The following NSD1 variants were observed in gnomAD, a reference collection of about 807,000 sequenced individuals.
NSD1 encodes nuclear receptor binding SET domain protein 1, also known as histone-lysine N-methyltransferase, H3 lysine-36 specific.
Under a neutral mutation model 242.7 loss-of-function variants are expected in NSD1, and 26 were observed. That is an observed-to-expected ratio of 0.11 (90% CI 0.08 to 0.15). The LOEUF is 0.15. NSD1 is among the 10% of genes least tolerant of loss of function. The pLI, the probability that NSD1 is intolerant of heterozygous loss-of-function variation, is 1.00. For missense variants in NSD1, 2,495 were observed against 3,272.8 expected (o/e 0.76, Z 5.80); for synonymous variants, 1,106 against 1,178.1 (o/e 0.94, Z 1.25).
intron 5 of NSD1, among the ~76,000 whole-genome samples, chr5:177,225,735 G>T (rs976008897): frequency 9.2e-5 from 14 of 151,912 alleles, no homozygotes; most frequent in Non-Finnish European, 1.8e-4. Context: ...CACAATTTTC[G>T]TTCATTATAT....
chr5:177,265,484 G>T, intron 14 of NSD1: 1 of 637,640 alleles, frequency 1.6e-6, no homozygotes, highest in South Asian at 1.9e-5. Flanking sequence ...TCTGGGGGAG[G>T]GAGGGAGAGA....
chr5:177,133,784 G>C lies in NSD1; in HGVS notation c.-186G>C, dbSNP rs1380409782. ...GGTGTGAGGAGGAGGAGGCGGCGGC[G>C]GAATAGGCCGGGGCAGGTCGCGCTC... On this transcript the variant is annotated 5_prime_UTR_variant, in exon 1 of 23. Transcript: ENST00000439151. The surrounding 1 kb of genome is among the most constrained non-coding windows in gnomAD (Gnocchi z 6.2). 1 of 149,532 alleles carries C rather than the reference G, an allele frequency of 6.7e-6. No homozygotes were observed. The highest frequency in any genetic ancestry group is 1.5e-5 in the Non-Finnish European group (1 of 67,148). 9.3% of individuals were successfully genotyped at this position (149,532 alleles called of 1,614,324 possible). A position where few individuals can be genotyped will look rare whatever the true frequency, so the allele number is the denominator to read the frequency against.
chr5:177,285,928 C>T (rs1049007861), intron 20 of NSD1, among the ~76,000 whole-genome samples: 2 of 152,150 alleles, frequency 1.3e-5, no homozygotes, highest in Non-Finnish European at 2.9e-5. Context: ...CGGAGTCTCG[C>T]TCTGTTGCCC....
intron 14 of NSD1, chr5:177,265,059 A>T (rs1046690353): frequency 1.3e-6 from 1 of 757,766 alleles, no homozygotes; most frequent in Non-Finnish European, 2.4e-6. Flanking sequence ...AAGCACTCCT[A>T]AGAGCCAAGA....
At chr5:177,223,429 C>T (rs966305334) in intron 5 of NSD1, among the ~76,000 whole-genome samples, 3 of 151,252 alleles carry the variant, frequency 2.0e-5, no homozygotes, top group Non-Finnish European at 4.4e-5. Context: ...AAAAATTAGC[C>T]GGATGTGGTA....
chr5:177,242,514 A>ATTATTTATTTAT (rs10605953), intron 8 of NSD1, among the ~76,000 whole-genome samples: 70,202 of 145,342 alleles, frequency 0.48, 19,205 homozygotes, highest in Middle Eastern at 0.65. Flanking sequence ...AATGGCCTTT[A>ATTATTTATTTAT]TTATTTATTT....
intron 19 of NSD1, among the ~76,000 whole-genome samples, chr5:177,283,002 G>A (rs1014014535): frequency 6.6e-6 from 1 of 152,136 alleles, no homozygotes; most frequent in Non-Finnish European, 1.5e-5. Context: ...CACCCAGGCT[G>A]GAGTACAGTG....
chr5:177,177,461 G>A (rs994306060), intron 2 of NSD1, among the ~76,000 whole-genome samples: 12 of 152,108 alleles, frequency 7.9e-5, no homozygotes, highest in Admixed American at 7.9e-4. Flanking sequence ...AGTGAGCCGA[G>A]ATTGTGCCAC....
chr5:177,144,120 G>T (rs546785679), intron 2 of NSD1, among the ~76,000 whole-genome samples: 5 of 152,242 alleles, frequency 3.3e-5, no homozygotes, highest in Admixed American at 3.3e-4. Flanking sequence ...ATACACTGCT[G>T]GTTCTGAAGT....
intron 5 of NSD1, among the ~76,000 whole-genome samples, chr5:177,224,583 CTGTT>C (rs1318454966): frequency 6.6e-6 from 1 of 150,950 alleles, no homozygotes; most frequent in African/African-American, 2.4e-5. Flanking sequence ...GAATTGATTA[CTGTT>C]TGTTAGTAAT....
Position 177,294,943 on chromosome 5 carries a change from C to T in NSD1, c.7575C>T (p.Asp2525=), listed in dbSNP as rs148891711. ...TSGKAAAPSE[D]PWQAVKSLTQ... ...GGAAAGCAGCAGCCCCTTCAGAGGACCCCTGGCAAGCTGTTAAATCACTCA... is the reference window on the plus strand; with the variant it reads ...GGAAAGCAGCAGCCCCTTCAGAGGATCCCTGGCAAGCTGTTAAATCACTCA... Residue 2525 remains aspartate, a synonymous_variant, in exon 23 of 23, where the codon GAC becomes GAT. Coordinates refer to ENST00000439151, the MANE Select transcript of NSD1 (RefSeq NM_022455.5). The T allele has an allele frequency of 1.1e-3, 1,769 of 1,614,190 alleles. 8 individuals carry two copies. Among genetic ancestry groups the T allele is most frequent in the Non-Finnish European group, 7.3e-4 (862 of 1,180,028 alleles).
chr5:177,225,423 G>A (rs1427565100), intron 5 of NSD1, among the ~76,000 whole-genome samples: 1 of 152,210 alleles, frequency 6.6e-6, no homozygotes, highest in Non-Finnish European at 1.5e-5. Flanking sequence ...GATTACAGGT[G>A]TGAGCCGCCG....
rs61538775 is a variant in NSD1 at position 177,264,028 on chromosome 5, ATTTTTTTT to A, written c.5147-3515_5147-3508del. Among the ~76,000 whole-genome samples, 51 of 76,374 alleles carry A rather than the reference ATTTTTTTT, an allele frequency of 6.7e-4. 1 individual carries two copies. Among genetic ancestry groups the A allele is most frequent in the South Asian group, 1.9e-3 (4 of 2,116 alleles). The allele number at this position is 76,374 out of a possible 152,430, so 50.1% of individuals were successfully genotyped here. On this transcript the variant is annotated intron_variant, in intron 14 of 22. Transcript: ENST00000439151. ...AAGATGCATATGACTCAATGAACCA[ATTTTTTTT>A]TTTTTTTTTTTTTTTTTTGAGATGG... is the stretch of plus-strand genomic sequence containing the variant.
intron 2 of NSD1, among the ~76,000 whole-genome samples, chr5:177,165,684 C>G (rs891922347): frequency 2.4e-4 from 37 of 152,138 alleles, no homozygotes; most frequent in African/African-American, 8.7e-4. Flanking sequence ...CCTCGACTTC[C>G]CTGGGCTGAA....
intron 7 of NSD1, 59 bp from the exon 8 acceptor site, chr5:177,239,697 T>A (rs1246341961): frequency 3.9e-6 from 4 of 1,038,278 alleles, no homozygotes; most frequent in Admixed American, 1.8e-5. Flanking sequence ...ACAGATTTTT[T>A]AAAAATTAAC....
chr5:177,141,519 G>C (rs10036193), intron 2 of NSD1, among the ~76,000 whole-genome samples: 54,172 of 149,528 alleles, frequency 0.36, 12,953 homozygotes, highest in African/African-American at 0.68. Context: ...TTAGCAGAGA[G>C]AGGTTTCACC....
intron 12 of NSD1, among the ~76,000 whole-genome samples, chr5:177,252,649 T>C (rs75168468): frequency 0.019 from 2,708 of 141,970 alleles, 33 homozygotes; most frequent in South Asian, 0.029. Flanking sequence ...GCTCCTGGGC[T>C]CAAGCAATCC....
chr5:177,175,202 T>C (rs1054302753), intron 2 of NSD1, among the ~76,000 whole-genome samples: 5 of 152,206 alleles, frequency 3.3e-5, no homozygotes, highest in African/African-American at 9.6e-5. Context: ...TATTATATCA[T>C]TGATTTAGTT....
rs1327806844 is a variant in NSD1 at position 177,283,821 on chromosome 5, A to C, written c.6044A>C (p.Tyr2015Ser). ...ATTGATGCTGGTCCCAAAGGAAACT[A>C]TGCTCGGTTCATGAATCATTGCTGC... is the stretch of plus-strand genomic sequence containing the variant. ...RIIDAGPKGN[Y>S]ARFMNHCCQP... The change falls in exon 20 of 23, where the codon TAT (tyrosine) becomes TCT (serine). Residue 2015 changes from tyrosine (Y) to serine (S), a missense_variant. Around this residue, in one of 19 missense-constraint regions of NSD1, gnomAD observed 26 missense variants for 119.1 expected, o/e 0.22. Transcript: ENST00000439151. 6.2e-7 allele frequency: 1 copy of C among 1,614,212 alleles called. No homozygotes were observed. Among genetic ancestry groups the C allele is most frequent in the Non-Finnish European group, 8.5e-7 (1 of 1,180,028 alleles).
Sources: allele counts gnomAD v4.1 joint callset (sites outside exome capture counted in the v4.1 genomes callset), GRCh38; gene constraint gnomAD v4.1.1; regional missense constraint gnomAD v4.1.1; non-coding constraint Gnocchi (gnomAD v3.1); transcripts MANE v1.5; gene names NCBI Gene and HGNC (gene_info 2026-07-23, HGNC 2026-07-21).